ECT2L: variants seen among roughly 807,000 people sequenced by gnomAD.
ECT2L encodes epithelial cell-transforming sequence 2 oncogene-like.
In ECT2L, 126 loss-of-function variants were observed where a neutral mutation model predicts 122.8. The ratio of observed to expected loss-of-function variants is 1.03; its 90% CI spans 0.89 to 1.19. The LOEUF (loss-of-function observed/expected upper bound fraction) is 1.19. ECT2L is among the 50% of genes most tolerant of loss of function. ECT2L has a pLI of 0.00. For missense variants in ECT2L, 1,012 were observed against 1,064.1 expected, an observed-to-expected ratio of 0.95 and a Z score of 0.68; for synonymous variants, 385 against 381.8, an observed-to-expected ratio of 1.01 and a Z score of -0.10.
At chr6:138,884,561 C>G (rs1778747777) in intron 16 of ECT2L, among the ~76,000 whole-genome samples, 1 of 152,098 alleles carries the variant, frequency 6.6e-6, no homozygotes, top group African/African-American at 2.4e-5. Flanking sequence ...TCGCTTGAAC[C>G]TGGGAGGCAG....
intron 1 of ECT2L, among the ~76,000 whole-genome samples, chr6:138,811,182 G>A (rs1242832199): frequency 3.3e-5 from 5 of 152,140 alleles, no homozygotes; most frequent in Non-Finnish European, 1.5e-5. Flanking sequence ...TCACTGTGAT[G>A]GAAGCCTGCT....
chr6:138,817,987 A>C (rs1415544039), intron 4 of ECT2L, among the ~76,000 whole-genome samples: 1 of 152,012 alleles, frequency 6.6e-6, no homozygotes, highest in Non-Finnish European at 1.5e-5. Context: ...TGTCTGTTAC[A>C]CTCAGAGAAA....
chr6:138,812,213 G>C (rs1775925241), intron 1 of ECT2L, among the ~76,000 whole-genome samples: 1 of 152,158 alleles, frequency 6.6e-6, no homozygotes, highest in African/African-American at 2.4e-5. Context: ...CTTAATCTTG[G>C]AATTATAGCC....
chr6:138,901,268 G>A, intron 21 of ECT2L, 148 bp downstream of exon 21: 1 of 849,500 alleles, frequency 1.2e-6, no homozygotes, highest in Non-Finnish European at 1.8e-6. Flanking sequence ...ATTAAACAAT[G>A]TAAACTTTCA....
chr6:138,880,346 GC>G (rs1262300533), intron 14 of ECT2L, among the ~76,000 whole-genome samples: 2 of 152,142 alleles, frequency 1.3e-5, no homozygotes, highest in African/African-American at 2.4e-5. Context: ...CCTCTGCCAA[GC>G]CCCTTTCTAA....
In ECT2L at chr6:138,900,989, A is replaced by G. The variant is rs750596502; in HGVS notation, c.2456A>G (p.Asn819Ser). 4 of 1,614,210 alleles carry G rather than the reference A, an allele frequency of 2.5e-6. No individual in the cohort carries two copies. The highest frequency in any genetic ancestry group is 1.1e-5 in the South Asian group (1 of 91,084). Reference protein sequence around the residue: ...HIHDLSLFLFNDALLVSSRGT... With the variant: ...HIHDLSLFLFSDALLVSSRGT... The stretch of plus-strand genomic sequence containing the variant: ...CATGATCTCAGCCTTTTCCTCTTCA[A>G]TGATGCCCTGCTCGTTTCTAGTCGG... The change falls in exon 21 of 22, where the codon AAT becomes AGT. Residue 819 changes from asparagine to serine, a missense_variant. Physicochemically the swap from Asn to Ser is conservative, Grantham distance 46. Transcript: ENST00000541398.
At chr6:138,805,564 G>C (rs1775686429) in intron 1 of ECT2L, among the ~76,000 whole-genome samples, 1 of 152,132 alleles carries the variant, frequency 6.6e-6, no homozygotes, top group African/African-American at 2.4e-5. Context: ...TTGTATGTAG[G>C]GGGCTGGGGT....
intron 4 of ECT2L, 49 bp from the exon 5 acceptor site, chr6:138,838,303 G>C (rs762943354): frequency 4.1e-6 from 6 of 1,475,572 alleles, no homozygotes; most frequent in Non-Finnish European, 5.4e-6. Flanking sequence ...TGACTTTTTA[G>C]TAAATTTTAG....
Position 138,900,358 on chromosome 6 carries a change from T to G in ECT2L, c.2415-590T>G, listed in dbSNP as rs1254267573. 2.6e-5 allele frequency among the ~76,000 whole-genome samples: 4 copies of G among 152,142 alleles called. No individual in the cohort carries two copies. In the East Asian group the frequency reaches 7.7e-4, roughly 29 times the overall value. ...GACTCCCAGGTTCAAGTGATTCTCC[T>G]GCCTCAGCCTCCCAAGTAGGTGGGA... On this transcript the variant is annotated intron_variant, in intron 20 of 21. Coordinates refer to ENST00000541398, the MANE Select transcript of ECT2L (RefSeq NM_001077706.3).
intron 13 of ECT2L, among the ~76,000 whole-genome samples, chr6:138,874,986 G>A (rs1778389925): frequency 6.6e-6 from 1 of 152,202 alleles, no homozygotes; most frequent in East Asian, 1.9e-4. Flanking sequence ...TACTTGGGAG[G>A]TTGAGGTGGG....
chr6:138,862,843 C>G, intron 11 of ECT2L, 124 bp downstream of exon 11: 2 of 681,960 alleles, frequency 2.9e-6, no homozygotes, highest in South Asian at 2.2e-5. Flanking sequence ...TCATTCCTCC[C>G]CTGAAGGAAC....
intron 11 of ECT2L, among the ~76,000 whole-genome samples, chr6:138,863,356 C>A (rs1777907148): frequency 6.6e-6 from 1 of 152,192 alleles, no homozygotes; most frequent in Non-Finnish European, 1.5e-5. Context: ...TGCTTCTCTA[C>A]TCCTAAATGC....
At chr6:138,889,416 T>C (rs1238339252) in intron 20 of ECT2L, among the ~76,000 whole-genome samples, 5 of 152,004 alleles carry the variant, frequency 3.3e-5, no homozygotes. Flanking sequence ...AACCTCCGCC[T>C]CCAAGCTATT....
At chr6:138,848,467 ATG>A (rs1777310923) in intron 8 of ECT2L, among the ~76,000 whole-genome samples, 1 of 152,242 alleles carries the variant, frequency 6.6e-6, no homozygotes, top group African/African-American at 2.4e-5. Context: ...GTATCTATAT[ATG>A]TGAGTGTATA....
chr6:138,825,864 C>G (rs1157552201), intron 4 of ECT2L, among the ~76,000 whole-genome samples: 1 of 152,178 alleles, frequency 6.6e-6, no homozygotes, highest in Non-Finnish European at 1.5e-5. Flanking sequence ...AGTCATTAGT[C>G]TGTGTGACAC....
chr6:138,834,606 A>G (rs1208744636), intron 4 of ECT2L, among the ~76,000 whole-genome samples: 5 of 152,102 alleles, frequency 3.3e-5, no homozygotes, highest in Non-Finnish European at 7.4e-5. Context: ...TTTGCCTCTT[A>G]TTTTATTACT....
intron 1 of ECT2L, among the ~76,000 whole-genome samples, chr6:138,801,740 G>A (rs1458641554): frequency 1.3e-5 from 2 of 152,068 alleles, no homozygotes; most frequent in Non-Finnish European, 2.9e-5. Flanking sequence ...GGGTGACAGA[G>A]CGAGACTCTG....
chr6:138,851,482 CTTTTT>C (rs56921189), intron 9 of ECT2L, among the ~76,000 whole-genome samples: 4 of 109,636 alleles, frequency 3.6e-5, no homozygotes, highest in African/African-American at 1.4e-4. Flanking sequence ...TGTGCCTAGC[CTTTTT>C]TTTTTTTTTT....
At chr6:138,851,175 GC>G (rs917751374) in intron 9 of ECT2L, among the ~76,000 whole-genome samples, 1 of 151,788 alleles carries the variant, frequency 6.6e-6, no homozygotes, top group Non-Finnish European at 1.5e-5. Context: ...GTGTATCTGT[GC>G]TTTTTTTTTG....
Sources: allele counts gnomAD v4.1 joint callset (sites outside exome capture counted in the v4.1 genomes callset), GRCh38; gene constraint gnomAD v4.1.1; transcripts MANE v1.5; gene names NCBI Gene and HGNC (gene_info 2026-07-23, HGNC 2026-07-21).